Variants in ABCC9 observed in about 807,000 individuals in gnomAD.
ABCC9 encodes ATP-binding cassette sub-family C member 9.
Under a neutral mutation model 188.3 loss-of-function variants are expected in ABCC9, and 95 were observed. That is an observed-to-expected ratio of 0.50 (90% confidence interval 0.43 to 0.60). ABCC9 has a LOEUF of 0.60. Among genes scored for constraint, ABCC9 ranks in the 20% least tolerant of loss-of-function variants. The probability of loss-of-function intolerance (pLI) is 0.00; values close to 1 mark genes in which losing one functional copy is unlikely to be tolerated. For synonymous variants in ABCC9, 659 were observed against 652.7 expected (o/e 1.01, Z -0.15); for missense variants, 1,102 against 1,876.3 (o/e 0.59, Z 7.62).
intron 18 of ABCC9, among the ~76,000 whole-genome samples, chr12:21,870,260 TG>T (rs1946002697): frequency 6.6e-6 from 1 of 150,990 alleles, no homozygotes; most frequent in African/African-American, 2.4e-5. Flanking sequence ...TTTAGTTTTT[TG>T]TTTTTTTTTT....
At chr12:21,844,991 A>G in intron 26 of ABCC9, 76 bp from the exon 27 acceptor site, 1 of 1,523,806 alleles carries the variant, frequency 6.6e-7, no homozygotes. Context: ...CCAAATGTCA[A>G]TGTCAGACAA....
chr12:21,799,790 C>T lies in ABCC9; in HGVS notation c.*1254G>A, dbSNP rs1026959986. On this transcript the variant is annotated 3_prime_UTR_variant, in exon 40 of 40. Coordinates refer to ENST00000261200, the MANE Select transcript of ABCC9 (RefSeq NM_020297.4). ...GAAAAAGAAATCAATGATATTGACA[C>T]TGGATGGGCACAGAATAGTAGAAAC... 1 of 152,156 alleles carries T rather than the reference C, an allele frequency of 6.6e-6. No homozygotes were observed. The highest frequency in any genetic ancestry group is 1.5e-5 in the Non-Finnish European group (1 of 68,026). The allele number at this position is 152,156 out of a possible 1,614,324, so 9.4% of individuals were successfully genotyped here. A position where few individuals can be genotyped will look rare whatever the true frequency, so the allele number is the denominator to read the frequency against.
At chr12:21,939,315 C>T (rs1949608418) in intron 2 of ABCC9, among the ~76,000 whole-genome samples, 1 of 152,100 alleles carries the variant, frequency 6.6e-6, no homozygotes, top group Non-Finnish European at 1.5e-5. Flanking sequence ...TCTCCTTATC[C>T]AACATCCAGA....
intron 31 of ABCC9, among the ~76,000 whole-genome samples, chr12:21,818,487 T>A (rs1397475350): frequency 6.9e-6 from 1 of 145,252 alleles, no homozygotes; most frequent in East Asian, 2.0e-4. Context: ...TATATCTATC[T>A]ATATATATAT....
At position 21,829,107 on chromosome 12, in the gene ABCC9, A is replaced by G. The variant is rs773966157; in HGVS notation, c.3567-47T>C. 4 of 1,403,714 alleles carry G rather than the reference A, an allele frequency of 2.8e-6. No homozygotes were observed. In the African/African-American group the frequency reaches 5.7e-5, roughly 20 times the overall value. 87.0% of individuals were successfully genotyped at this position (1,403,714 alleles called of 1,614,324 possible). ...TGTTAACCACACAACAGGAGAGGTA[A>G]TAAGAAACAGTCACACTTATTACTA... On this transcript the variant is annotated intron_variant, in intron 30 of 39. Coordinates refer to ENST00000261200, the MANE Select transcript of ABCC9 (RefSeq NM_020297.4).
chr12:21,882,853 C>T lies in ABCC9; in HGVS notation c.1932G>A (p.Arg644=). 6.2e-7 allele frequency: 1 copy of T among 1,613,912 alleles called. No homozygotes were observed. Reference sequence around the variant, plus strand: ...CCAGGTGATATCTTCCAGGCTGTTTCCTGTTTATAGTTTTTGGCTGCTGCA... The same window carrying T: ...CCAGGTGATATCTTCCAGGCTGTTTTCTGTTTATAGTTTTTGGCTGCTGCA... ...HTGVQPKTIN[R]KQPGRYHLDS... is the part of the protein sequence containing the mutation. Residue 644 remains arginine (R), a synonymous_variant, in exon 16 of 40, where the codon AGG becomes AGA. Transcript: ENST00000261200.
intron 30 of ABCC9, among the ~76,000 whole-genome samples, chr12:21,833,981 A>G (rs369625097): frequency 6.6e-5 from 10 of 151,728 alleles, no homozygotes; most frequent in Admixed American, 6.6e-4. Context: ...CCTCAGTAAA[A>G]CTCTTTCAAA....
chr12:21,927,014 A>C (rs1008800788), intron 4 of ABCC9, among the ~76,000 whole-genome samples: 4 of 152,250 alleles, frequency 2.6e-5, no homozygotes, highest in East Asian at 1.9e-4. Flanking sequence ...ATAGGAGAAC[A>C]CTGAGAAAGT....
intron 20 of ABCC9, among the ~76,000 whole-genome samples, chr12:21,861,473 C>T (rs1414942482): frequency 6.6e-6 from 1 of 152,124 alleles, no homozygotes; most frequent in East Asian, 1.9e-4. Flanking sequence ...CTTAGGCAAT[C>T]AGCCTGCCTC....
chr12:21,890,814 C>G (rs1203102731), intron 14 of ABCC9, among the ~76,000 whole-genome samples: 1 of 129,732 alleles, frequency 7.7e-6, no homozygotes, highest in Non-Finnish European at 1.6e-5. Context: ...ACACTGGGGA[C>G]TGTTGTGGGG....
Position 21,852,226 on chromosome 12 carries a change from AG to A in ABCC9, c.2644-5del. On this transcript the variant is annotated splice_polypyrimidine_tract_variant and splice_region_variant and intron_variant, in intron 23 of 39. Coordinates refer to ENST00000261200, the MANE Select transcript of ABCC9 (RefSeq NM_020297.4). ...TTCCATCTTTCATGGCTATGATCTA[AG>A]GAAAGCGGATATTCCCAGAAATGTG... The A allele has an allele frequency of 1.2e-6, 2 of 1,613,824 alleles. No homozygotes were observed. Among genetic ancestry groups the A allele is most frequent in the Non-Finnish European group, 8.5e-7 (1 of 1,179,926 alleles).
chr12:21,859,057 G>C (rs1375678144), intron 22 of ABCC9, among the ~76,000 whole-genome samples: 1 of 152,118 alleles, frequency 6.6e-6, no homozygotes. Context: ...AATCATTCAT[G>C]ACGTTTTTAA....
intron 4 of ABCC9, among the ~76,000 whole-genome samples, chr12:21,930,045 C>G (rs1332572184): frequency 6.9e-6 from 1 of 145,976 alleles, no homozygotes; most frequent in Admixed American, 7.0e-5. Context: ...CAAGTGTTCT[C>G]ATTGTTCAAG....
intron 24 of ABCC9, 61 bp downstream of exon 24, chr12:21,852,036 T>C: frequency 6.3e-7 from 1 of 1,592,430 alleles, no homozygotes; most frequent in Non-Finnish European, 8.6e-7. Context: ...TTCTTAGTAA[T>C]TAGTAAATTT....
intron 39 of ABCC9, chr12:21,805,390 A>C (rs148470380): frequency 7.2e-7 from 1 of 1,379,450 alleles, no homozygotes; most frequent in East Asian, 2.3e-5. Context: ...AGTTTTTATT[A>C]AGCAGTAAGC....
intron 30 of ABCC9, among the ~76,000 whole-genome samples, chr12:21,835,013 C>G (rs1967534): frequency 1.4e-4 from 21 of 151,766 alleles, no homozygotes; most frequent in African/African-American, 5.1e-4. Flanking sequence ...TCAGGCTGGC[C>G]TATGTTGGGG....
At chr12:21,897,501 A>G (rs1490681732) in intron 12 of ABCC9, among the ~76,000 whole-genome samples, 1 of 152,160 alleles carries the variant, frequency 6.6e-6, no homozygotes, top group Non-Finnish European at 1.5e-5. Flanking sequence ...GCACTCAATA[A>G]ATGTTTGTAT....
At chr12:21,805,282 G>T (rs934132469) in intron 39 of ABCC9, 4 of 1,613,916 alleles carry the variant, frequency 2.5e-6, no homozygotes, top group Non-Finnish European at 2.5e-6. Context: ...CTAAAACAAG[G>T]CCTGCATCCA....
At chr12:21,835,646 C>T (rs2252702) in intron 30 of ABCC9, among the ~76,000 whole-genome samples, 152,273 of 152,274 alleles carry the variant, frequency 1, 76,136 homozygotes, top group Non-Finnish European at 1. Context: ...CACAGGATCT[C>T]TCTTATCTAC....
Sources: gnomAD v4.1 joint callset for allele counts (sites outside exome capture counted in the v4.1 genomes callset) on GRCh38, gnomAD v4.1.1 for gene constraint, MANE v1.5 for transcripts, NCBI Gene and HGNC (gene_info 2026-07-23, HGNC 2026-07-21) for gene names.